The following LDB2 variants were observed in gnomAD, a reference collection of about 807,000 sequenced individuals.
LDB2 encodes LIM domain binding 2.
LDB2 carries 12 observed loss-of-function variants against 44.3 expected under a neutral mutation model. The observed-to-expected ratio is 0.27, with a 90% CI of 0.17 to 0.44. LDB2 has a LOEUF of 0.44. LDB2 is among the 20% of genes least tolerant of loss of function. The pLI is 1.00. For synonymous variants in LDB2, 164 were observed against 174.8 expected (o/e 0.94, Z 0.49); for missense variants, 344 against 473.5 (o/e 0.73, Z 2.54).
intron 5 of LDB2, among the ~76,000 whole-genome samples, chr4:16,576,410 C>G (rs1711619898): frequency 6.6e-6 from 1 of 151,528 alleles, no homozygotes; most frequent in East Asian, 1.9e-4. Flanking sequence ...GACATTACAA[C>G]TAATACTACA....
intron 4 of LDB2, among the ~76,000 whole-genome samples, chr4:16,587,341 C>T (rs894881943): frequency 2.0e-5 from 3 of 152,150 alleles, no homozygotes; most frequent in African/African-American, 7.2e-5. Flanking sequence ...CTGTACCCAT[C>T]TTATAGATGA....
chr4:16,854,504 T>TACACACACACACACAC (rs61445499), intron 1 of LDB2, among the ~76,000 whole-genome samples: 2 of 145,214 alleles, frequency 1.4e-5, no homozygotes, highest in South Asian at 2.2e-4. Context: ...TAAATATAAA[T>TACACACACACACACAC]ACACACACAC....
intron 5 of LDB2, among the ~76,000 whole-genome samples, chr4:16,519,924 T>C (rs1327554862): frequency 6.6e-6 from 1 of 152,038 alleles, no homozygotes; most frequent in East Asian, 2.0e-4. Flanking sequence ...CAATGTATTA[T>C]GGGACTGAGA....
chr4:16,586,070 C>T (rs757664167), intron 4 of LDB2, 65 bp from the exon 5 acceptor site: 2 of 1,200,888 alleles, frequency 1.7e-6, no homozygotes, highest in Admixed American at 1.7e-5. Flanking sequence ...AAATCTCAGA[C>T]TGTGCTACAG....
At chr4:16,803,175 C>T (rs893834288) in intron 1 of LDB2, among the ~76,000 whole-genome samples, 3 of 152,170 alleles carry the variant, frequency 2.0e-5, no homozygotes, top group African/African-American at 7.2e-5. Flanking sequence ...AGATTTAGAA[C>T]TCACTGACCC....
chr4:16,551,393 CTG>C (rs1376781834), intron 5 of LDB2, among the ~76,000 whole-genome samples: 2 of 152,182 alleles, frequency 1.3e-5, no homozygotes, highest in Admixed American at 1.3e-4. Flanking sequence ...TTCAAGGCAC[CTG>C]TGTGTTTGAG....
intron 5 of LDB2, among the ~76,000 whole-genome samples, chr4:16,550,961 A>C (rs1737449217): frequency 2.0e-5 from 3 of 152,250 alleles, no homozygotes; most frequent in Admixed American, 2.0e-4. Flanking sequence ...ATGTAAATAC[A>C]CCTTAAAATC....
chr4:16,786,320 C>A (rs1579651224), intron 1 of LDB2, among the ~76,000 whole-genome samples: 1 of 152,300 alleles, frequency 6.6e-6, no homozygotes, highest in East Asian at 1.9e-4. Context: ...AACCACAAAA[C>A]TTTTGAGCAT....
chr4:16,581,280 G>A, intron 5 of LDB2: 1 of 305,788 alleles, frequency 3.3e-6, no homozygotes, highest in Non-Finnish European at 4.8e-6. Flanking sequence ...TTTCACAGAT[G>A]AGAAAATGAA....
chr4:16,723,362 G>C (rs920784814), intron 2 of LDB2, among the ~76,000 whole-genome samples: 7 of 152,152 alleles, frequency 4.6e-5, no homozygotes, highest in African/African-American at 1.2e-4. Flanking sequence ...GGACAGGAGA[G>C]CAAGTGTGAG....
intron 1 of LDB2, among the ~76,000 whole-genome samples, chr4:16,771,794 A>C (rs544730940): frequency 7.7e-4 from 118 of 152,264 alleles, no homozygotes; most frequent in South Asian, 7.0e-3. Flanking sequence ...CCTGGACAAC[A>C]ATGACTTTTT....
chr4:16,527,004 A>G (rs1006117301), intron 5 of LDB2, among the ~76,000 whole-genome samples: 2 of 152,280 alleles, frequency 1.3e-5, no homozygotes, highest in African/African-American at 4.8e-5. Flanking sequence ...ATGTCCAGCT[A>G]AATCTGAATT....
rs33990510 is a variant in LDB2, at chr4:16,742,074, CTTTT to C, written c.235+17080_235+17083del. 3.1e-3 allele frequency among the ~76,000 whole-genome samples: 392 copies of C among 128,282 alleles called. 1 individual carries two copies. Among genetic ancestry groups the C allele is most frequent in the African/African-American group, 0.011 (345 of 32,818 alleles). The allele number at this position is 128,282 out of a possible 152,430, so 84.2% of individuals were successfully genotyped here. A position where few individuals can be genotyped will look rare whatever the true frequency, so the allele number is the denominator to read the frequency against. ...TTTCTTTCTTTTTTTCTTTTCTTTT[CTTTT>C]TTTTTTTTTTTTTTGAGAGTGTCTC... On this transcript the variant is annotated intron_variant, in intron 2 of 7. Transcript: ENST00000304523.
intron 5 of LDB2, among the ~76,000 whole-genome samples, chr4:16,555,140 A>C (rs2152359842): frequency 6.6e-6 from 1 of 152,130 alleles, no homozygotes; most frequent in South Asian, 2.1e-4. Context: ...GCAACTAGAA[A>C]AAAAAATACT....
chr4:16,880,783 A>G (rs1418572132), intron 1 of LDB2, among the ~76,000 whole-genome samples: 2 of 151,776 alleles, frequency 1.3e-5, no homozygotes, highest in African/African-American at 2.4e-5. Flanking sequence ...GGGTGCCTGT[A>G]GTCCCAGCTA....
At chr4:16,883,401 A>G (rs1720741756) in intron 1 of LDB2, among the ~76,000 whole-genome samples, 1 of 152,228 alleles carries the variant, frequency 6.6e-6, no homozygotes, top group African/African-American at 2.4e-5. Context: ...AAGTTTACAG[A>G]GGGAAGAAGG....
At chr4:16,658,963 C>A (rs1235992744) in intron 2 of LDB2, among the ~76,000 whole-genome samples, 4 of 152,142 alleles carry the variant, frequency 2.6e-5, no homozygotes, top group Non-Finnish European at 5.9e-5. Flanking sequence ...AGATACTAGG[C>A]CAAGTCTTAA....
At chr4:16,741,060 A>G (rs1248239537) in intron 2 of LDB2, among the ~76,000 whole-genome samples, 1 of 152,188 alleles carries the variant, frequency 6.6e-6, no homozygotes, top group Non-Finnish European at 1.5e-5. Context: ...AATTGAGTGT[A>G]GTTATAATTG....
chr4:16,572,508 G>A (rs530082867), intron 5 of LDB2, among the ~76,000 whole-genome samples: 11 of 152,028 alleles, frequency 7.2e-5, no homozygotes, highest in Non-Finnish European at 1.3e-4. Context: ...CTCTGAAATT[G>A]TTTTCAGTTA....
Sources: allele counts gnomAD v4.1 joint callset (sites outside exome capture counted in the v4.1 genomes callset), GRCh38; gene constraint gnomAD v4.1.1; transcripts MANE v1.5; gene names NCBI Gene and HGNC (gene_info 2026-07-23, HGNC 2026-07-21).